Variants in HHAT observed in about 807,000 individuals in gnomAD.
HHAT encodes the protein hedgehog acyltransferase.
In HHAT, 47 loss-of-function variants were observed where a neutral mutation model predicts 70.8. The observed-to-expected ratio is 0.66, with a 90% CI of 0.53 to 0.85. HHAT has a LOEUF of 0.85. HHAT is among the 40% of genes least tolerant of loss of function. The pLI is 0.00. For synonymous variants in HHAT, 228 were observed against 247.6 expected (o/e 0.92, Z 0.74); for missense variants, 609 against 604.8 (o/e 1.01, Z -0.07).
intron 9 of HHAT, among the ~76,000 whole-genome samples, chr1:210,569,493 C>G (rs1322024343): frequency 6.7e-6 from 1 of 149,038 alleles, no homozygotes; most frequent in Non-Finnish European, 1.5e-5. Flanking sequence ...TTTTTGTAGT[C>G]TACCTTTTGG....
chr1:210,665,686 G>T (rs1408473816), intron 11 of HHAT, among the ~76,000 whole-genome samples: 1 of 152,228 alleles, frequency 6.6e-6, no homozygotes, highest in African/African-American at 2.4e-5. Flanking sequence ...CTAAGGGACA[G>T]ACATCATTCA....
chr1:210,674,518 G>T lies in HHAT; in HGVS notation c.*139G>T. ...GAATGCCCTCACTCCAAGACTGGAT[G>T]CTGGATCTCATAGAAAATTCACAGC... On this transcript the variant is annotated 3_prime_UTR_variant, in exon 12 of 12. Coordinates refer to ENST00000261458, the MANE Select transcript of HHAT (RefSeq NM_018194.6). 1 of 609,826 alleles carries T rather than the reference G, an allele frequency of 1.6e-6. No individual in the cohort carries two copies. 37.8% of individuals were successfully genotyped at this position (609,826 alleles called of 1,614,324 possible).
chr1:210,458,707 A>T (rs1303283156), intron 7 of HHAT, among the ~76,000 whole-genome samples: 1 of 152,170 alleles, frequency 6.6e-6, no homozygotes, highest in Non-Finnish European at 1.5e-5. Context: ...GGGCAGGAAA[A>T]ATAGATTGGG....
At chr1:210,520,144 T>A (rs1247697794) in intron 9 of HHAT, among the ~76,000 whole-genome samples, 1 of 152,042 alleles carries the variant, frequency 6.6e-6, no homozygotes, top group Non-Finnish European at 1.5e-5. Flanking sequence ...GCCTCCTGAG[T>A]AGCTGGGATT....
At chr1:210,413,633 G>A (rs912465303) in intron 6 of HHAT, among the ~76,000 whole-genome samples, 3 of 152,114 alleles carry the variant, frequency 2.0e-5, no homozygotes, top group Non-Finnish European at 4.4e-5. Flanking sequence ...AAAACACTAG[G>A]ATACGAACAC....
rs376970043 is a variant in HHAT, at chr1:210,388,636, T to C, written c.273+1055T>C. On this transcript the variant is annotated intron_variant, in intron 4 of 11. Coordinates refer to ENST00000261458, the MANE Select transcript of HHAT (RefSeq NM_018194.6). ...TCAGATCTGAGTATATTTTAAAATT[T>C]CATTTAACTTTGTGAGCAGACCTAA... is the stretch of plus-strand genomic sequence containing the variant. Among the ~76,000 whole-genome samples, 19 of 152,320 alleles carry C rather than the reference T, an allele frequency of 1.2e-4. No individual in the cohort carries two copies. In the East Asian group the frequency reaches 3.7e-3, roughly 29 times the overall value.
intron 9 of HHAT, among the ~76,000 whole-genome samples, chr1:210,548,973 G>A (rs1015972669): frequency 6.6e-6 from 1 of 152,216 alleles, no homozygotes. Context: ...CCAGGGCAGG[G>A]CTTCTCAGAT....
chr1:210,626,545 A>G (rs1669876968), intron 11 of HHAT, among the ~76,000 whole-genome samples: 1 of 151,992 alleles, frequency 6.6e-6, no homozygotes, highest in African/African-American at 2.4e-5. Context: ...TGAGTCAGGG[A>G]ATGTCTGCTG....
rs1252387324 is a variant in HHAT at position 210,642,846 on chromosome 1, T to C, written c.1390+19176T>C. Among the ~76,000 whole-genome samples the C allele has an allele frequency of 2.0e-5, 3 of 152,228 alleles. No homozygotes were observed. The East Asian group carries it at 5.8e-4, about 29-fold the overall frequency. The stretch of plus-strand genomic sequence containing the variant: ...TTCTGAGGGACAAGGTTTTTACTTT[T>C]CAAGTCCTATTTATCAGTGAGTTCC... On this transcript the variant is annotated intron_variant, in intron 11 of 11. Transcript: ENST00000261458.
chr1:210,580,551 C>G (rs531981802), intron 9 of HHAT, among the ~76,000 whole-genome samples: 45 of 142,746 alleles, frequency 3.2e-4, no homozygotes, highest in African/African-American at 1.1e-3. Context: ...CCACGTGTCT[C>G]ATTGTTCAAT....
chr1:210,534,960 C>T (rs986718862), intron 9 of HHAT, among the ~76,000 whole-genome samples: 1 of 152,164 alleles, frequency 6.6e-6, no homozygotes, highest in Non-Finnish European at 1.5e-5. Flanking sequence ...TCTTTGCCTT[C>T]AATGGGAGTA....
chr1:210,386,741 C>T (rs529971863), intron 3 of HHAT, among the ~76,000 whole-genome samples: 1 of 152,214 alleles, frequency 6.6e-6, no homozygotes, highest in South Asian at 2.1e-4. Flanking sequence ...CTTTGAGGTG[C>T]TGGTTCCTAA....
intron 7 of HHAT, among the ~76,000 whole-genome samples, chr1:210,430,316 T>G (rs1356623747): frequency 6.6e-6 from 1 of 151,820 alleles, no homozygotes; most frequent in Non-Finnish European, 1.5e-5. Context: ...CCTTGATTCC[T>G]TTTAGTGGGG....
chr1:210,424,013 G>T (rs2092982911), intron 7 of HHAT, among the ~76,000 whole-genome samples: 1 of 152,078 alleles, frequency 6.6e-6, no homozygotes, highest in Non-Finnish European at 1.5e-5. Context: ...AATTGCTTTG[G>T]CTGGTCAGGA....
At chr1:210,449,031 T>TAC (rs1038733190) in intron 7 of HHAT, among the ~76,000 whole-genome samples, 2 of 152,122 alleles carry the variant, frequency 1.3e-5, no homozygotes, top group East Asian at 1.9e-4. Flanking sequence ...TCTTAATTTG[T>TAC]ACACACACAC....
At chr1:210,502,255 G>A (rs1572880292) in intron 8 of HHAT, among the ~76,000 whole-genome samples, 1 of 151,280 alleles carries the variant, frequency 6.6e-6, no homozygotes, top group Non-Finnish European at 1.5e-5. Context: ...GTGGTGGTGG[G>A]CGCCTGTAGT....
chr1:210,606,101 C>T (rs1408704284), intron 10 of HHAT, among the ~76,000 whole-genome samples: 1 of 152,088 alleles, frequency 6.6e-6, no homozygotes, highest in Non-Finnish European at 1.5e-5. Flanking sequence ...CAGGTCAGGT[C>T]CATCTGCCTT....
intron 2 of HHAT, among the ~76,000 whole-genome samples, chr1:210,358,340 A>T (rs12069930): frequency 0.015 from 2,213 of 152,358 alleles, 66 homozygotes; most frequent in African/African-American, 0.05. Context: ...GCAGATGAGC[A>T]GCCCCATTTG....
intron 9 of HHAT, among the ~76,000 whole-genome samples, chr1:210,585,217 TTC>T (rs1201837095): frequency 2.0e-5 from 3 of 152,204 alleles, no homozygotes; most frequent in Non-Finnish European, 4.4e-5. Context: ...GCAAATTAAT[TTC>T]TCAACCTCAG....
Sources: allele counts gnomAD v4.1 joint callset (sites outside exome capture counted in the v4.1 genomes callset), GRCh38; gene constraint gnomAD v4.1.1; transcripts MANE v1.5; gene names NCBI Gene and HGNC (gene_info 2026-07-23, HGNC 2026-07-21).